The following SORCS1 variants were observed in gnomAD, a reference collection of about 807,000 sequenced individuals.
SORCS1 encodes VPS10 domain-containing receptor SorCS1.
Under a neutral mutation model 146.1 loss-of-function variants are expected in SORCS1, and 60 were observed. The observed-to-expected ratio is 0.41, with a 90% CI of 0.33 to 0.51. The LOEUF (loss-of-function observed/expected upper bound fraction) is 0.51. Ranked by LOEUF, SORCS1 falls within the 20% of genes least tolerant of loss-of-function variation. SORCS1 has a pLI of 0.21. For synonymous variants in SORCS1, 637 were observed against 584.0 expected, an observed-to-expected ratio of 1.09 and a Z score of -1.31; for missense variants, 1,352 against 1,487.6, an observed-to-expected ratio of 0.91 and a Z score of 1.50.
intron 1 of SORCS1, among the ~76,000 whole-genome samples, chr10:107,100,252 G>A (rs947347602): frequency 2.0e-5 from 3 of 152,172 alleles, no homozygotes; most frequent in South Asian, 2.1e-4. Flanking sequence ...GGTGGCTCAC[G>A]CCTGTAATCC....
chr10:106,622,495 C>G (rs1847819155), intron 19 of SORCS1, among the ~76,000 whole-genome samples: 2 of 152,042 alleles, frequency 1.3e-5, no homozygotes, highest in African/African-American at 2.4e-5. Context: ...CTGGGTAAAA[C>G]AAATGATATA....
chr10:106,597,708 T>G (rs780472700), intron 23 of SORCS1, among the ~76,000 whole-genome samples: 1 of 152,164 alleles, frequency 6.6e-6, no homozygotes, highest in African/African-American at 2.4e-5. Context: ...TCTTTAAAAA[T>G]TATTCTGTAT....
intron 1 of SORCS1, among the ~76,000 whole-genome samples, chr10:106,970,336 C>CTTTTTTTTTTTTGTTTTTTT (rs1955714285): frequency 1.1e-5 from 1 of 89,454 alleles, no homozygotes; most frequent in African/African-American, 5.4e-5. Context: ...ACCAACATCT[C>CTTTTTTTTTTTTGTTTTTTT]TTTTTTTTTT....
chr10:107,024,963 T>C (rs902639315), intron 1 of SORCS1, among the ~76,000 whole-genome samples: 1 of 152,226 alleles, frequency 6.6e-6, no homozygotes, highest in African/African-American at 2.4e-5. Context: ...GAGATTTAAC[T>C]AGCTGGCTTG....
At chr10:106,988,237 G>A (rs964256916) in intron 1 of SORCS1, among the ~76,000 whole-genome samples, 3 of 152,180 alleles carry the variant, frequency 2.0e-5, no homozygotes, top group Non-Finnish European at 4.4e-5. Flanking sequence ...GGGAGCAAAG[G>A]AATCTAGCCA....
chr10:107,035,058 T>C (rs976994749), intron 1 of SORCS1, among the ~76,000 whole-genome samples: 1 of 152,060 alleles, frequency 6.6e-6, no homozygotes, highest in Non-Finnish European at 1.5e-5. Context: ...TGTACAATTT[T>C]AATTGGGCAT....
At chr10:107,028,490 TAC>T (rs1433371492) in intron 1 of SORCS1, among the ~76,000 whole-genome samples, 3 of 152,214 alleles carry the variant, frequency 2.0e-5, no homozygotes, top group Non-Finnish European at 4.4e-5. Context: ...GTCACTACAA[TAC>T]AGTGTAAGTG....
At chr10:107,031,109 C>A (rs373773183) in intron 1 of SORCS1, among the ~76,000 whole-genome samples, 1 of 152,032 alleles carries the variant, frequency 6.6e-6, no homozygotes, top group African/African-American at 2.4e-5. Context: ...CAGACGGAAG[C>A]AGAGGTCTAC....
intron 1 of SORCS1, among the ~76,000 whole-genome samples, chr10:107,021,500 C>G (rs7907501): frequency 9.0e-6 from 1 of 110,822 alleles, no homozygotes; most frequent in African/African-American, 3.4e-5. Flanking sequence ...GGCAACAGAG[C>G]GACACTCCGT....
chr10:106,765,661 A>C (rs1045465778), intron 4 of SORCS1, among the ~76,000 whole-genome samples: 10 of 151,992 alleles, frequency 6.6e-5, no homozygotes, highest in Admixed American at 1.3e-4. Context: ...CTCAATTCCT[A>C]GTCTACAGCA....
chr10:106,965,047 G>A (rs185399778), intron 1 of SORCS1, among the ~76,000 whole-genome samples: 3 of 151,760 alleles, frequency 2.0e-5, no homozygotes, highest in South Asian at 4.2e-4. Flanking sequence ...CAGAGTTTAC[G>A]CAGTTCCAGG....
intron 2 of SORCS1, among the ~76,000 whole-genome samples, chr10:106,937,979 A>G (rs1953836911): frequency 1.3e-5 from 2 of 151,944 alleles, no homozygotes; most frequent in African/African-American, 4.8e-5. Context: ...GAAGAAAAAA[A>G]AAAAAAAAAA....
chr10:106,701,857 A>C (rs1036383566), intron 8 of SORCS1, among the ~76,000 whole-genome samples: 10 of 152,246 alleles, frequency 6.6e-5, no homozygotes, highest in Non-Finnish European at 8.8e-5. Flanking sequence ...TGAGGATGAA[A>C]TCAGTTAATC....
intron 5 of SORCS1, among the ~76,000 whole-genome samples, chr10:106,743,929 C>G (rs1053185609): frequency 2.0e-5 from 3 of 152,060 alleles, no homozygotes; most frequent in Non-Finnish European, 4.4e-5. Context: ...TTTCAGTGTT[C>G]GTGTAGGCAC....
intron 1 of SORCS1, among the ~76,000 whole-genome samples, chr10:107,053,274 C>T (rs989988135): frequency 1.3e-5 from 2 of 152,080 alleles, no homozygotes. Context: ...AAAATGCATA[C>T]CTCCGGGGAA....
chr10:106,840,850 T>C (rs1409235208), intron 2 of SORCS1, among the ~76,000 whole-genome samples: 1 of 106,554 alleles, frequency 9.4e-6, no homozygotes, highest in Non-Finnish European at 1.9e-5. Flanking sequence ...ATTATATATA[T>C]ATATATATAT....
chr10:107,145,332 G>A (rs746902719), intron 1 of SORCS1, among the ~76,000 whole-genome samples: 2 of 152,200 alleles, frequency 1.3e-5, no homozygotes, highest in Non-Finnish European at 2.9e-5. Context: ...AAGGCCAGAA[G>A]ACCAGCAACT....
chr10:106,906,246 C>T (rs1445600803), intron 2 of SORCS1, among the ~76,000 whole-genome samples: 1 of 152,206 alleles, frequency 6.6e-6, no homozygotes, highest in African/African-American at 2.4e-5. Flanking sequence ...TCCCAAATAG[C>T]TGGGATTACA....
At chr10:106,839,548 G>T (rs1948930454) in intron 2 of SORCS1, among the ~76,000 whole-genome samples, 1 of 152,186 alleles carries the variant, frequency 6.6e-6, no homozygotes, top group African/African-American at 2.4e-5. Flanking sequence ...AGCAGCAAGT[G>T]CTGATACAGA....
Sources: gnomAD v4.1 joint callset for allele counts (sites outside exome capture counted in the v4.1 genomes callset) on GRCh38, gnomAD v4.1.1 for gene constraint, MANE v1.5 for transcripts, NCBI Gene and HGNC (gene_info 2026-07-23, HGNC 2026-07-21) for gene names.